Variants in GPHN observed in about 807,000 individuals in gnomAD.
The protein encoded by GPHN is gephyrin.
Under a neutral mutation model 95.5 loss-of-function variants are expected in GPHN, and 17 were observed. The ratio of observed to expected loss-of-function variants is 0.18; its 90% CI spans 0.12 to 0.27. The LOEUF (loss-of-function observed/expected upper bound fraction) is 0.27. Ranked by LOEUF, GPHN falls within the 10% of genes least tolerant of loss-of-function variation. GPHN has a pLI of 1.00. For synonymous variants in GPHN, 320 were observed against 322.5 expected, an observed-to-expected ratio of 0.99 and a Z score of 0.08; for missense variants, 660 against 978.1, an observed-to-expected ratio of 0.67 and a Z score of 4.34.
intron 8 of GPHN, among the ~76,000 whole-genome samples, chr14:66,941,818 A>G (rs909240838): frequency 6.7e-6 from 1 of 150,162 alleles, no homozygotes; most frequent in East Asian, 1.9e-4. Flanking sequence ...TAGAGAAACC[A>G]GGCAGAGAGA....
chr14:67,380,325 G>GTT, the GPHN span, among the ~76,000 whole-genome samples: 18 of 149,328 alleles, frequency 1.2e-4, no homozygotes, highest in Non-Finnish European at 6.0e-5. Context: ...GTTTTTCCAT[G>GTT]TTTTTTTTTT....
chr14:67,233,358 T>C, the GPHN span, among the ~76,000 whole-genome samples: 1 of 152,258 alleles, frequency 6.6e-6, no homozygotes, highest in South Asian at 2.1e-4. Context: ...CCCAGGCTGG[T>C]CATGAACTCA....
Position 67,090,315 on chromosome 14 carries a change from A to G in GPHN, c.1237+1240A>G, listed in dbSNP as rs540302577. Among the ~76,000 whole-genome samples, 5 of 152,174 alleles carry G rather than the reference A, an allele frequency of 3.3e-5. 1 individual carries two copies. Among genetic ancestry groups the G allele is most frequent in the African/African-American group, 1.2e-4 (5 of 41,544 alleles). ...CCTAATTCAAAAATCCAGAATTTGA[A>G]GTACTCCAAAATCTGAAATTTTTTG... On this transcript the variant is annotated intron_variant, in intron 12 of 22. Coordinates refer to ENST00000478722, the MANE Select transcript of GPHN (RefSeq NM_020806.5).
intron 11 of GPHN, among the ~76,000 whole-genome samples, chr14:67,067,211 G>T (rs2076095878): frequency 6.6e-6 from 1 of 152,164 alleles, no homozygotes. Flanking sequence ...ATCTGTTGGA[G>T]TTTGCTGGAG....
At chr14:67,406,633 A>T in the GPHN span, among the ~76,000 whole-genome samples, 2 of 152,216 alleles carry the variant, frequency 1.3e-5, no homozygotes, top group Non-Finnish European at 2.9e-5. Flanking sequence ...TTACGTTCTC[A>T]TGTTAAACCT....
chr14:67,307,752 A>G, the GPHN span, among the ~76,000 whole-genome samples: 1 of 152,244 alleles, frequency 6.6e-6, no homozygotes, highest in Admixed American at 6.5e-5. Context: ...AGAGTTAAAG[A>G]TAAATCTGCG....
intron 1 of GPHN, among the ~76,000 whole-genome samples, chr14:66,647,408 A>C (rs1007116271): frequency 1.3e-5 from 2 of 151,628 alleles, no homozygotes; most frequent in Non-Finnish European, 2.9e-5. Flanking sequence ...TTAAGGATGT[A>C]TAAATTTTAT....
At chr14:66,855,059 C>T (rs2062743044) in intron 4 of GPHN, among the ~76,000 whole-genome samples, 1 of 152,112 alleles carries the variant, frequency 6.6e-6, no homozygotes, top group African/African-American at 2.4e-5. Context: ...GTTAGCCAAG[C>T]TGGCCTCCAA....
At chr14:67,708,173 TGCTAAAAGCTGTAAATA>T in the GPHN span, among the ~76,000 whole-genome samples, 1 of 152,200 alleles carries the variant, frequency 6.6e-6, no homozygotes, top group African/African-American at 2.4e-5. Context: ...TTTAGTCAAT[TGCTAAAAGCTGTAAATA>T]GCTTAAAAGA....
chr14:67,459,645 G>T, the GPHN span, among the ~76,000 whole-genome samples: 2 of 152,218 alleles, frequency 1.3e-5, no homozygotes, highest in Non-Finnish European at 2.9e-5. Context: ...CTGGTTACAC[G>T]TAAGCTTCTT....
the GPHN span, among the ~76,000 whole-genome samples, chr14:67,431,349 G>T: frequency 7.5e-6 from 1 of 133,470 alleles, no homozygotes; most frequent in Non-Finnish European, 1.5e-5. Context: ...CCGAGATCGC[G>T]CCACTGCACT....
intron 19 of GPHN, among the ~76,000 whole-genome samples, chr14:67,162,443 C>T (rs959303532): frequency 2.0e-5 from 3 of 152,134 alleles, no homozygotes; most frequent in Non-Finnish European, 2.9e-5. Flanking sequence ...ATAAAACACA[C>T]AAATACAATC....
At chr14:66,974,180 T>A (rs555959206) in intron 9 of GPHN, among the ~76,000 whole-genome samples, 2 of 152,326 alleles carry the variant, frequency 1.3e-5, no homozygotes, top group South Asian at 4.1e-4. Flanking sequence ...TTACACCCTT[T>A]TCTAATGAGA....
chr14:67,283,716 C>T, the GPHN span, among the ~76,000 whole-genome samples: 5 of 151,958 alleles, frequency 3.3e-5, no homozygotes, highest in Non-Finnish European at 5.9e-5. Context: ...AAAATTAGAC[C>T]TAAAGATGTA....
At chr14:67,263,257 C>T in the GPHN span, among the ~76,000 whole-genome samples, 1 of 152,148 alleles carries the variant, frequency 6.6e-6, no homozygotes, top group African/African-American at 2.4e-5. Context: ...AATCATGATG[C>T]TCTCTTGTCC....
At chr14:67,578,234 C>T in the GPHN span, 2 of 1,593,852 alleles carry the variant, frequency 1.3e-6, no homozygotes, top group Non-Finnish European at 1.7e-6. The surrounding 1 kb of genome is among the most constrained non-coding windows in gnomAD (Gnocchi z 5.0). Flanking sequence ...CTGACAGAAG[C>T]CATTGGCAAG....
chr14:66,727,167 T>G (rs2071322097), intron 2 of GPHN, among the ~76,000 whole-genome samples: 1 of 152,230 alleles, frequency 6.6e-6, no homozygotes, highest in Non-Finnish European at 1.5e-5. Context: ...CTTGGCCTGC[T>G]GCCATCTTAG....
the GPHN span, among the ~76,000 whole-genome samples, chr14:67,373,284 A>G: frequency 5.3e-5 from 8 of 152,328 alleles, no homozygotes; most frequent in East Asian, 5.8e-4. Flanking sequence ...TTTAAACACA[A>G]AGAACTTAAC....
At chr14:66,573,175 TTGGAAGGAATATTC>T (rs1261005279) in intron 1 of GPHN, among the ~76,000 whole-genome samples, 5 of 152,216 alleles carry the variant, frequency 3.3e-5, no homozygotes, top group Admixed American at 3.3e-4. Context: ...TCTGCTGCTT[TTGGAAGGAATATTC>T]TGTGTATATC....
Sources: gnomAD v4.1 joint callset for allele counts (sites outside exome capture counted in the v4.1 genomes callset) on GRCh38, gnomAD v4.1.1 for gene constraint, Gnocchi (gnomAD v3.1) non-coding constraint, MANE v1.5 for transcripts, NCBI Gene and HGNC (gene_info 2026-07-23, HGNC 2026-07-21) for gene names.